Variants in SLC5A9 observed in about 807,000 individuals in gnomAD.
The protein encoded by SLC5A9 is solute carrier family 5 member 9.
SLC5A9 carries 59 observed loss-of-function variants against 70.9 expected under a neutral mutation model. That is an observed-to-expected ratio of 0.83 (90% CI 0.68 to 1.03). SLC5A9 has a LOEUF of 1.03. Ranked by LOEUF, SLC5A9 falls within the 50% of genes least tolerant of loss-of-function variation. The pLI is 0.00. For synonymous variants in SLC5A9, 340 were observed against 346.5 expected (o/e 0.98, Z 0.21); for missense variants, 832 against 881.1 (o/e 0.94, Z 0.71).
rs762892060 is a variant in SLC5A9 at position 48,231,618 on chromosome 1, G to A, written c.684G>A (p.Met228Ile). The A allele has an allele frequency of 1.2e-6, 2 of 1,614,030 alleles. No homozygotes were observed. The highest frequency in any genetic ancestry group is 1.3e-5 in the African/African-American group (1 of 74,906). The change falls in exon 6 of 14, where the codon ATG becomes ATA. Residue 228 changes from methionine (M) to isoleucine (I), a missense_variant. Transcript: ENST00000438567. The part of the protein sequence containing the change: ...VIMVGGALVL[M>I]FLGFQDVGWY... ...TGGTAGGGGGAGCCCTGGTCCTCAT[G>A]TTTCTGGGTAAGGAAGAGACCTAAA...
At chr1:48,242,015 AC>A in intron 12 of SLC5A9, 1 of 456,748 alleles carries the variant, frequency 2.2e-6, no homozygotes, top group Non-Finnish European at 4.4e-6. Flanking sequence ...CTCCAAGAGA[AC>A]TTTGAAGATC....
At chr1:48,241,015 A>G (rs1308321500) in intron 12 of SLC5A9, 1 of 152,234 alleles carries the variant, frequency 6.6e-6, no homozygotes, top group Non-Finnish European at 1.5e-5. Context: ...GTTCACTTCC[A>G]TGAAATATTT....
chr1:48,247,170 CA>C (rs1644468793), intron 13 of SLC5A9, among the ~76,000 whole-genome samples, 164 bp from the exon 14 acceptor site: 2 of 152,186 alleles, frequency 1.3e-5, no homozygotes, highest in South Asian at 4.1e-4. Context: ...GCAGAAAGTA[CA>C]AGTCTATGGC....
chr1:48,247,723 C>CAG lies in SLC5A9; in HGVS notation c.*187_*188dup, dbSNP rs1644475703. On this transcript the variant is annotated 3_prime_UTR_variant, in exon 14 of 14. Coordinates refer to ENST00000438567, the MANE Select transcript of SLC5A9 (RefSeq NM_001011547.3). ...CTTGACAAGTGGAGAAACAGAAGCCCAGAGAGAGCACTGGGTTTGTTCAGG... is the reference window on the plus strand; with the variant it reads ...CTTGACAAGTGGAGAAACAGAAGCCCAGAGAGAGAGCACTGGGTTTGTTCAGG... The CAG allele has an allele frequency of 1.6e-6, 1 of 633,932 alleles. No homozygotes were observed. The allele number at this position is 633,932 out of a possible 1,614,324, so 39.3% of individuals were successfully genotyped here. A position where few individuals can be genotyped will look rare whatever the true frequency, so the allele number is the denominator to read the frequency against.
chr1:48,235,682 C>T, intron 9 of SLC5A9, 47 bp from the exon 10 acceptor site: 1 of 1,610,276 alleles, frequency 6.2e-7, no homozygotes, highest in Non-Finnish European at 8.5e-7. Context: ...CCTGGAAGAG[C>T]CGGCCTTAAT....
intron 2 of SLC5A9, among the ~76,000 whole-genome samples, chr1:48,225,290 C>T (rs1644128143): frequency 6.6e-6 from 1 of 152,010 alleles, no homozygotes; most frequent in African/African-American, 2.4e-5. Flanking sequence ...GGTAAAATCC[C>T]CAGCAATCTC....
chr1:48,242,646 T>A (rs1644405986), intron 13 of SLC5A9, 30 bp downstream of exon 13: 5 of 1,581,486 alleles, frequency 3.2e-6, no homozygotes, highest in Non-Finnish European at 4.3e-6. Flanking sequence ...GGGATACTCA[T>A]CACAGAGGAA....
rs1367359433 is a variant in SLC5A9 at position 48,228,952 on chromosome 1, AACGTAAGG to A, written c.339_339+7del. 1 of 1,613,208 alleles carries A rather than the reference AACGTAAGG, an allele frequency of 6.2e-7. No homozygotes were observed. The highest frequency in any genetic ancestry group is 1.1e-5 in the South Asian group (1 of 91,074). ...CCTTGCCGTAGGTGGCTTCGAGTGG[AACGTAAGG>A]AAGCTGGCCTGGTTTCTCCAGAATA... On this transcript the variant is annotated splice_donor_variant and splice_donor_5th_base_variant and coding_sequence_variant and intron_variant, in exon 3 of 14. Transcript: ENST00000438567. LOFTEE classifies it high-confidence loss of function.
In SLC5A9 at chr1:48,224,096, C is replaced by T. The variant is rs556221686; in HGVS notation, c.163-628C>T. ...CTGCTTCAAGTTCATCCTTCCCTACCCACTGCCCTGCCCTCACCCTGTATC... is the reference window on the plus strand; with the variant it reads ...CTGCTTCAAGTTCATCCTTCCCTACTCACTGCCCTGCCCTCACCCTGTATC... On this transcript the variant is annotated intron_variant, in intron 1 of 13. Coordinates refer to ENST00000438567, the MANE Select transcript of SLC5A9 (RefSeq NM_001011547.3). 5.3e-5 allele frequency among the ~76,000 whole-genome samples: 8 copies of T among 152,316 alleles called. No homozygotes were observed. The South Asian group carries it at 1.7e-3, about 32-fold the overall frequency.
In SLC5A9 at chr1:48,229,340, T is replaced by C; in HGVS notation, c.385T>C (p.Tyr129His). ...CCTTGGCTGGGTCTTCGTCCCTGTG[T>C]ACATCGCAGCAGGTGTGGTCACAAT... Reference protein sequence around the residue: ...LALGWVFVPVYIAAGVVTMPQ... With the variant: ...LALGWVFVPVHIAAGVVTMPQ... The change falls in exon 4 of 14, where the codon TAC becomes CAC. Residue 129 changes from tyrosine (Y) to histidine (H), a missense_variant. Transcript: ENST00000438567. 6.2e-7 allele frequency: 1 copy of C among 1,614,054 alleles called. No homozygotes were observed. The highest frequency in any genetic ancestry group is 1.1e-5 in the South Asian group (1 of 91,076).
Position 48,239,286 on chromosome 1 carries a change from G to T in SLC5A9, c.1462-36G>T, listed in dbSNP as rs1212095701. ...TTACCTTCCTAGGGTCTCCCACCTG[G>T]ATCTCACCTCAGCTCTTGTCTGCCC... On this transcript the variant is annotated intron_variant, in intron 11 of 13. Coordinates refer to ENST00000438567, the MANE Select transcript of SLC5A9 (RefSeq NM_001011547.3). The surrounding 1 kb of genome is among the most constrained non-coding windows in gnomAD (Gnocchi z 4.2). The T allele has an allele frequency of 6.6e-7, 1 of 1,505,354 alleles. No homozygotes were observed. Among genetic ancestry groups the T allele is most frequent in the Non-Finnish European group, 9.1e-7 (1 of 1,094,990 alleles). The allele number at this position is 1,505,354 out of a possible 1,614,324, so 93.2% of individuals were successfully genotyped here.
Position 48,222,768 on chromosome 1 carries a change from G to A in SLC5A9, c.32G>A (p.Gly11Glu). The change falls in exon 1 of 14, where the codon GGA becomes GAA. Residue 11 changes from glycine to glutamate, a missense_variant. Physicochemically the swap from Gly to Glu is moderately conservative, Grantham distance 98. Coordinates refer to ENST00000438567, the MANE Select transcript of SLC5A9 (RefSeq NM_001011547.3). ...AAGGAGCTGGCAGCAATGGGGCCTG[G>A]AGCTTCAGGGGACGGGGTCAGGACT... MSKELAAMGP[G>E]ASGDGVRTET... 8 of 1,614,186 alleles carry A rather than the reference G, an allele frequency of 5.0e-6. No homozygotes were observed. Among genetic ancestry groups the A allele is most frequent in the Non-Finnish European group, 6.8e-6 (8 of 1,180,028 alleles).
Position 48,224,815 on chromosome 1 carries a change from C to G in SLC5A9, c.234+20C>G. The G allele has an allele frequency of 6.2e-7, 1 of 1,612,718 alleles. No homozygotes were observed. The highest frequency in any genetic ancestry group is 8.5e-7 in the Non-Finnish European group (1 of 1,178,790). On this transcript the variant is annotated intron_variant, in intron 2 of 13. Coordinates refer to ENST00000438567, the MANE Select transcript of SLC5A9 (RefSeq NM_001011547.3). ...TGGCCAGTGAGTTGACCCTTCTCAA[C>G]CACCCCTAGTGCAGAGGCTCCCAAC...
Position 48,244,878 on chromosome 1 carries a change from G to GTGTATA in SLC5A9, c.1837+2263_1837+2264insGTATAT, listed in dbSNP as rs1391896495. Among the ~76,000 whole-genome samples the GTGTATA allele has an allele frequency of 2.4e-4, 7 of 29,402 alleles. 1 individual carries two copies. Among genetic ancestry groups the GTGTATA allele is most frequent in the East Asian group, 3.3e-3 (2 of 612 alleles). 19.3% of individuals were successfully genotyped at this position (29,402 alleles called of 152,430 possible). ...TGTGTGTGTGTATGTATGTGTATGTGTATATATATATATATATATATATAT... is the reference window on the plus strand; with the variant it reads ...TGTGTGTGTGTATGTATGTGTATGTGTGTATATATATATATATATATATATATATAT... On this transcript the variant is annotated intron_variant, in intron 13 of 13. Transcript: ENST00000438567.
intron 2 of SLC5A9, 99 bp from the exon 3 acceptor site, chr1:48,228,751 T>C (rs1246827921): frequency 1.3e-6 from 2 of 1,556,646 alleles, no homozygotes; most frequent in African/African-American, 2.7e-5. Flanking sequence ...ATACAGTGGG[T>C]ACCCAACAAA....
chr1:48,230,505 G>T, intron 4 of SLC5A9, 95 bp from the exon 5 acceptor site: 1 of 787,966 alleles, frequency 1.3e-6, no homozygotes, highest in Non-Finnish European at 2.3e-6. Context: ...GAGGGCTGAG[G>T]GTGCCTGGTG....
chr1:48,237,613 A>T (rs1311359453), intron 10 of SLC5A9, 66 bp from the exon 11 acceptor site: 1 of 1,513,940 alleles, frequency 6.6e-7, no homozygotes, highest in Non-Finnish European at 9.0e-7. Context: ...CCTGTGCATC[A>T]CCTTCACCCC....
At chr1:48,225,273 TC>T (rs1363045665) in intron 2 of SLC5A9, among the ~76,000 whole-genome samples, 1 of 152,032 alleles carries the variant, frequency 6.6e-6, no homozygotes, top group Non-Finnish European at 1.5e-5. Flanking sequence ...GTTAAGGGAA[TC>T]ACAGAGGTAA....
chr1:48,242,738 T>G, intron 13 of SLC5A9, 122 bp downstream of exon 13: 1 of 945,822 alleles, frequency 1.1e-6, no homozygotes, highest in Non-Finnish European at 1.5e-6. Context: ...CTAACTCCTT[T>G]CCCACGTGGC....
Sources: gnomAD v4.1 joint callset for allele counts (sites outside exome capture counted in the v4.1 genomes callset) on GRCh38, gnomAD v4.1.1 for gene constraint, Gnocchi (gnomAD v3.1) non-coding constraint, MANE v1.5 for transcripts, NCBI Gene and HGNC (gene_info 2026-07-23, HGNC 2026-07-21) for gene names.